The following TTC39B variants were observed in gnomAD, a reference collection of about 807,000 sequenced individuals.
TTC39B encodes tetratricopeptide repeat protein 39B.
Under a neutral mutation model 96.6 loss-of-function variants are expected in TTC39B, and 92 were observed. That is an observed-to-expected ratio of 0.95 (90% CI 0.80 to 1.13). TTC39B has a LOEUF of 1.13. Among genes scored for constraint, TTC39B ranks in the 50% most tolerant of loss-of-function variants. TTC39B has a pLI of 0.00. For synonymous variants in TTC39B, 367 were observed against 299.4 expected (o/e 1.23, Z -2.33); for missense variants, 955 against 809.3 (o/e 1.18, Z -2.18).
intron 2 of TTC39B, among the ~76,000 whole-genome samples, chr9:15,226,951 A>G (rs1184997456): frequency 1.3e-5 from 2 of 152,188 alleles, no homozygotes; most frequent in African/African-American, 2.4e-5. Context: ...GTCATTAAAA[A>G]AAGAGGAGAA....
At chr9:15,280,174 A>G (rs1823706003) in intron 1 of TTC39B, among the ~76,000 whole-genome samples, 1 of 152,190 alleles carries the variant, frequency 6.6e-6, no homozygotes, top group South Asian at 2.1e-4. Context: ...CTGGGATTAC[A>G]GGTGTGAGCC....
At chr9:15,227,653 G>T (rs1019027809) in intron 2 of TTC39B, among the ~76,000 whole-genome samples, 1 of 152,084 alleles carries the variant, frequency 6.6e-6, no homozygotes, top group Non-Finnish European at 1.5e-5. Flanking sequence ...CATCAGCTCC[G>T]TTTACAAGCA....
chr9:15,285,148 C>T (rs1317808623), intron 1 of TTC39B, among the ~76,000 whole-genome samples: 2 of 151,842 alleles, frequency 1.3e-5, no homozygotes, highest in Non-Finnish European at 2.9e-5. Context: ...GCCTGTAGTC[C>T]CAGCTACTCG....
intron 2 of TTC39B, among the ~76,000 whole-genome samples, chr9:15,239,187 G>C (rs971918179): frequency 1.3e-5 from 2 of 152,026 alleles, no homozygotes; most frequent in Admixed American, 6.6e-5. Flanking sequence ...CTAATCATCA[G>C]AGAAACACAA....
intron 1 of TTC39B, among the ~76,000 whole-genome samples, chr9:15,274,165 A>G (rs1040888913): frequency 1.3e-5 from 2 of 152,234 alleles, no homozygotes; most frequent in Non-Finnish European, 2.9e-5. Context: ...TGATTTTTCT[A>G]AGTCAGAATT....
At chr9:15,241,902 C>T (rs1188706806) in intron 2 of TTC39B, among the ~76,000 whole-genome samples, 1 of 152,016 alleles carries the variant, frequency 6.6e-6, no homozygotes, top group Non-Finnish European at 1.5e-5. Flanking sequence ...GCCACCACCA[C>T]ACCTGGCTAA....
In TTC39B at chr9:15,220,278, G is replaced by A. The variant is rs1354193681; in HGVS notation, c.371+5639C>T. Among the ~76,000 whole-genome samples, 5 of 152,146 alleles carry A rather than the reference G, an allele frequency of 3.3e-5. No individual in the cohort carries two copies. In the East Asian group the frequency reaches 5.8e-4, roughly 18 times the overall value. On this transcript the variant is annotated intron_variant, in intron 3 of 19. Transcript: ENST00000512701. ...CTCAGGTCTATTGATTCAGCTGTGT[G>A]GAGTCCAGAATCTCAGAAGCAACTG...
chr9:15,250,249 C>A, intron 2 of TTC39B: 1 of 1,094,236 alleles, frequency 9.1e-7, no homozygotes, highest in Non-Finnish European at 1.1e-6. Context: ...ATTTTTTTTC[C>A]CCCAATCTCT....
exon 20 of TTC39B, chr9:15,165,645 G>C (rs1283640171): frequency 6.6e-6 from 1 of 152,194 alleles, no homozygotes; most frequent in East Asian, 1.9e-4. Flanking sequence ...GGGAAAGAAA[G>C]GCACCTTCTT....
At chr9:15,250,312 A>T in intron 2 of TTC39B, 1 of 674,412 alleles carries the variant, frequency 1.5e-6, no homozygotes, top group Non-Finnish European at 1.8e-6. Context: ...GAAACAGGCA[A>T]GGAACATACA....
intron 3 of TTC39B, among the ~76,000 whole-genome samples, chr9:15,216,432 G>A (rs1820521446): frequency 1.3e-5 from 2 of 152,164 alleles, no homozygotes; most frequent in Admixed American, 1.3e-4. Flanking sequence ...AGCTCTTGAT[G>A]GAGGGCTAAG....
intron 16 of TTC39B, among the ~76,000 whole-genome samples, chr9:15,182,880 T>C (rs1008072707): frequency 6.6e-6 from 1 of 152,220 alleles, no homozygotes; most frequent in African/African-American, 2.4e-5. Flanking sequence ...TAGAAACATG[T>C]GACGGTCCAG....
At chr9:15,268,985 C>T (rs1304701093) in intron 1 of TTC39B, among the ~76,000 whole-genome samples, 2 of 152,178 alleles carry the variant, frequency 1.3e-5, no homozygotes, top group East Asian at 1.9e-4. Flanking sequence ...CTTACTCACT[C>T]GACTCCAGCC....
At chr9:15,248,647 A>C (rs537117848) in intron 2 of TTC39B, among the ~76,000 whole-genome samples, 1 of 152,236 alleles carries the variant, frequency 6.6e-6, no homozygotes. Context: ...GAATGAACGA[A>C]TATAAGATCT....
chr9:15,285,965 T>G (rs1008144746), intron 1 of TTC39B, among the ~76,000 whole-genome samples: 3 of 152,206 alleles, frequency 2.0e-5, no homozygotes, highest in Non-Finnish European at 2.9e-5. Flanking sequence ...CTCCACCTCC[T>G]TTTCCCTTCC....
At chr9:15,166,982 T>TTTTTTTATATA (rs1387664027) in exon 20 of TTC39B, 3 of 20,276 alleles carry the variant, frequency 1.5e-4, no homozygotes, top group African/African-American at 3.7e-4. Flanking sequence ...AACCTTTATT[T>TTTTTTTATATA]TATATATATA....
chr9:15,199,999 T>C, intron 7 of TTC39B, 74 bp from the exon 8 acceptor site: 1 of 806,868 alleles, frequency 1.2e-6, no homozygotes, highest in Non-Finnish European at 1.9e-6. Flanking sequence ...TGTGTGTTTG[T>C]GTGATTAGAA....
chr9:15,220,989 G>T (rs917651470), intron 3 of TTC39B, among the ~76,000 whole-genome samples: 1 of 152,190 alleles, frequency 6.6e-6, no homozygotes, highest in Non-Finnish European at 1.5e-5. Flanking sequence ...CAGTGATGCC[G>T]AGTTCTCAGT....
At chr9:15,242,921 C>T (rs1190710193) in intron 2 of TTC39B, among the ~76,000 whole-genome samples, 5 of 152,162 alleles carry the variant, frequency 3.3e-5, no homozygotes, top group Non-Finnish European at 5.9e-5. Flanking sequence ...GCAGAGACAG[C>T]GATTAAATGT....
Sources: allele counts gnomAD v4.1 joint callset (sites outside exome capture counted in the v4.1 genomes callset), GRCh38; gene constraint gnomAD v4.1.1; transcripts MANE v1.5; gene names NCBI Gene and HGNC (gene_info 2026-07-23, HGNC 2026-07-21).